The following USP22 variants were observed in gnomAD, a reference collection of about 807,000 sequenced individuals.
The protein encoded by USP22 is ubiquitin specific peptidase 22.
USP22 carries 22 observed loss-of-function variants against 68.1 expected under a neutral mutation model. The ratio of observed to expected loss-of-function variants is 0.32; its 90% CI spans 0.23 to 0.46. The LOEUF is 0.46. Among genes scored for constraint, USP22 ranks in the 20% least tolerant of loss-of-function variants. The pLI is 1.00. For synonymous variants in USP22, 279 were observed against 274.2 expected, an observed-to-expected ratio of 1.02 and a Z score of -0.17; for missense variants, 433 against 695.8, an observed-to-expected ratio of 0.62 and a Z score of 4.25.
chr17:21,036,517 G>A (rs1012233343), intron 1 of USP22, among the ~76,000 whole-genome samples: 1 of 70,590 alleles, frequency 1.4e-5, no homozygotes, highest in African/African-American at 4.9e-5. Flanking sequence ...GCACTGTACT[G>A]TAAGGGGGGG....
chr17:21,029,425 A>T (rs1370239500), intron 1 of USP22, among the ~76,000 whole-genome samples: 1 of 152,250 alleles, frequency 6.6e-6, no homozygotes, highest in East Asian at 1.9e-4. Context: ...CAGATTTTTT[A>T]AAAAAGAAAT....
intron 7 of USP22, among the ~76,000 whole-genome samples, chr17:21,012,252 C>T (rs907084735): frequency 2.7e-4 from 41 of 151,996 alleles, no homozygotes; most frequent in African/African-American, 9.7e-4. Flanking sequence ...CACAAGACCC[C>T]ATGCCTGAAA....
In USP22 at chr17:21,042,754, T is replaced by A; in HGVS notation, c.82A>T (p.Ser28Cys). ...TGCTTCCAGTTGTCCACCTTGAAGC[T>A]GCCCAGGTGCGAGCAGCCCGGCGGC... ...VAPPGCSHLG[S>C]FKVDNWKQNL... Residue 28 changes from serine (S) to cysteine (C), a missense_variant, in exon 1 of 13, where the codon AGC becomes TGC. Coordinates refer to ENST00000261497, the MANE Select transcript of USP22 (RefSeq NM_015276.2). The A allele has an allele frequency of 6.7e-7, 1 of 1,496,254 alleles. No homozygotes were observed. Among genetic ancestry groups the A allele is most frequent in the Non-Finnish European group, 8.9e-7 (1 of 1,124,064 alleles). 92.7% of individuals were successfully genotyped at this position (1,496,254 alleles called of 1,614,324 possible). A position where few individuals can be genotyped will look rare whatever the true frequency, so the allele number is the denominator to read the frequency against.
intron 10 of USP22, 155 bp from the exon 11 acceptor site, chr17:21,005,145 G>A: frequency 1.2e-6 from 1 of 859,768 alleles, no homozygotes; most frequent in Non-Finnish European, 1.8e-6. Context: ...CATGTTTCGT[G>A]AGGACACTGA....
At chr17:21,026,167 A>T (rs1185939181) in intron 2 of USP22, among the ~76,000 whole-genome samples, 2 of 152,142 alleles carry the variant, frequency 1.3e-5, no homozygotes, top group Non-Finnish European at 2.9e-5. Context: ...CTGAGGCAGG[A>T]GAATTGTTTG....
chr17:21,030,365 C>T (rs1194190009), intron 1 of USP22, among the ~76,000 whole-genome samples: 4 of 132,678 alleles, frequency 3.0e-5, no homozygotes, highest in South Asian at 5.4e-4. Flanking sequence ...GAACTCAGGC[C>T]GCTTGTGTGT....
intron 11 of USP22, 36 bp from the exon 12 acceptor site, chr17:21,004,387 G>A (rs757565807): frequency 1.2e-6 from 2 of 1,608,732 alleles, no homozygotes; most frequent in Non-Finnish European, 1.7e-6. Flanking sequence ...GGGCGCAGGT[G>A]ACTTGATGCC....
intron 8 of USP22, among the ~76,000 whole-genome samples, 169 bp downstream of exon 8, chr17:21,010,982 C>T (rs915820495): frequency 1.3e-5 from 2 of 152,158 alleles, no homozygotes; most frequent in African/African-American, 4.8e-5. Flanking sequence ...AGTCATCTGG[C>T]CAAAACAAAG....
intron 1 of USP22, among the ~76,000 whole-genome samples, chr17:21,037,398 T>C (rs543782002): frequency 6.6e-6 from 1 of 152,120 alleles, no homozygotes; most frequent in Non-Finnish European, 1.5e-5. Context: ...CTGGCAAACA[T>C]GACTTCGGCC....
chr17:21,041,057 G>GT (rs1972423372), intron 1 of USP22, among the ~76,000 whole-genome samples: 1 of 151,806 alleles, frequency 6.6e-6, no homozygotes, highest in African/African-American at 2.4e-5. Context: ...GCTACTTTTC[G>GT]TATTTTTAGT....
chr17:21,032,714 G>GGACA (rs2143629412), intron 1 of USP22, among the ~76,000 whole-genome samples: 1 of 152,162 alleles, frequency 6.6e-6, no homozygotes, highest in Admixed American at 6.5e-5. Flanking sequence ...CGAGGTGGGA[G>GGACA]GACAGCTTGA....
At chr17:21,021,063 G>T in intron 3 of USP22, 50 bp downstream of exon 3, 1 of 1,445,310 alleles carries the variant, frequency 6.9e-7, no homozygotes, top group Non-Finnish European at 9.7e-7. Flanking sequence ...GCCCTTGATG[G>T]ACATGAGGGA....
At chr17:21,013,124 G>A (rs935202230) in intron 6 of USP22, among the ~76,000 whole-genome samples, 189 bp from the exon 7 acceptor site, 1 of 152,170 alleles carries the variant, frequency 6.6e-6, no homozygotes, top group Non-Finnish European at 1.5e-5. Context: ...CACAGCACTT[G>A]GATTTTCAAT....
At chr17:21,037,871 C>T (rs1432832337) in intron 1 of USP22, among the ~76,000 whole-genome samples, 5 of 152,150 alleles carry the variant, frequency 3.3e-5, no homozygotes, top group Admixed American at 1.3e-4. Flanking sequence ...AATTGTACTC[C>T]ATTTCTGCAA....
chr17:21,005,274 G>A (rs914339290), intron 10 of USP22: 1 of 402,068 alleles, frequency 2.5e-6, no homozygotes, highest in Non-Finnish European at 4.5e-6. Context: ...GCTGGATCTG[G>A]AGGAATGTGA....
At chr17:21,007,091 T>G in intron 9 of USP22, 104 bp from the exon 10 acceptor site, 1 of 974,346 alleles carries the variant, frequency 1.0e-6, no homozygotes, top group Non-Finnish European at 1.5e-6. Context: ...GTTATCTCTT[T>G]TGTATTTTAT....
chr17:21,009,775 C>T (rs34709305), intron 8 of USP22, among the ~76,000 whole-genome samples: 7,073 of 151,956 alleles, frequency 0.047, 394 homozygotes, highest in African/African-American at 0.13. Context: ...GCCAATGTGG[C>T]GAAACCTAGT....
chr17:21,033,302 TA>T (rs1168589543), intron 1 of USP22, among the ~76,000 whole-genome samples: 1 of 152,232 alleles, frequency 6.6e-6, no homozygotes, highest in Non-Finnish European at 1.5e-5. Flanking sequence ...TCCTGAAACA[TA>T]ACTAGGATTT....
intron 5 of USP22, among the ~76,000 whole-genome samples, 164 bp downstream of exon 5, chr17:21,017,778 T>C (rs1972106624): frequency 2.0e-5 from 3 of 152,270 alleles, no homozygotes; most frequent in African/African-American, 7.2e-5. Context: ...GTCTTCCCTT[T>C]TTGGAAAACT....
Sources: gnomAD v4.1 joint callset for allele counts (sites outside exome capture counted in the v4.1 genomes callset) on GRCh38, gnomAD v4.1.1 for gene constraint, MANE v1.5 for transcripts, NCBI Gene and HGNC (gene_info 2026-07-23, HGNC 2026-07-21) for gene names.